TENM3: variants seen among roughly 807,000 people sequenced by gnomAD.
TENM3 encodes teneurin-3.
Under a neutral mutation model 255.1 loss-of-function variants are expected in TENM3, and 63 were observed. That is an observed-to-expected ratio of 0.25 (90% confidence interval 0.20 to 0.30). The LOEUF (loss-of-function observed/expected upper bound fraction) is 0.30. TENM3 is among the 10% of genes least tolerant of loss of function. The pLI, the probability that TENM3 is intolerant of heterozygous loss-of-function variation, is 1.00. For missense variants in TENM3, 2,929 were observed against 3,461.1 expected, an observed-to-expected ratio of 0.85 and a Z score of 3.86; for synonymous variants, 1,306 against 1,322.3, an observed-to-expected ratio of 0.99 and a Z score of 0.27.
At chr4:182,469,846 G>A (rs779931932) in intron 3 of TENM3, among the ~76,000 whole-genome samples, 1 of 152,240 alleles carries the variant, frequency 6.6e-6, no homozygotes, top group East Asian at 1.9e-4. Context: ...TGGTCTGTGT[G>A]ATATCTATGT....
the TENM3 span, among the ~76,000 whole-genome samples, chr4:181,790,319 T>C: frequency 4.6e-3 from 706 of 152,290 alleles, 5 homozygotes; most frequent in African/African-American, 0.016. Flanking sequence ...GGCTCACTTT[T>C]CTCCAATCAC....
the TENM3 span, among the ~76,000 whole-genome samples, chr4:182,030,856 T>C: frequency 2.2e-4 from 33 of 152,334 alleles, no homozygotes; most frequent in African/African-American, 7.7e-4. Context: ...TATGTGTTCT[T>C]TTGATAATTG....
intron 3 of TENM3, among the ~76,000 whole-genome samples, chr4:182,392,562 C>G (rs1199052401): frequency 6.6e-6 from 1 of 152,114 alleles, no homozygotes; most frequent in Non-Finnish European, 1.5e-5. Context: ...GAAATGCAGA[C>G]TGGGGAGGAG....
At chr4:181,748,794 T>G in the TENM3 span, among the ~76,000 whole-genome samples, 1 of 152,046 alleles carries the variant, frequency 6.6e-6, no homozygotes, top group Non-Finnish European at 1.5e-5. Flanking sequence ...AATTATGGAG[T>G]AATAATTCTT....
intron 3 of TENM3, among the ~76,000 whole-genome samples, chr4:182,593,254 A>C (rs747363237): frequency 2.6e-5 from 4 of 152,192 alleles, no homozygotes. Context: ...AGGAAGCCAC[A>C]TGCTGATGAA....
chr4:182,641,518 AGT>A (rs1752309499), intron 5 of TENM3, among the ~76,000 whole-genome samples: 1 of 150,692 alleles, frequency 6.6e-6, no homozygotes, highest in Admixed American at 6.6e-5. Flanking sequence ...AGTAGTATGC[AGT>A]TTTTTTTTGT....
chr4:181,680,810 A>G, the TENM3 span, among the ~76,000 whole-genome samples: 1 of 152,108 alleles, frequency 6.6e-6, no homozygotes, highest in Non-Finnish European at 1.5e-5. Flanking sequence ...GTTAATCTCA[A>G]CATTCTAAAT....
intron 3 of TENM3, among the ~76,000 whole-genome samples, chr4:182,546,864 G>A (rs1262006787): frequency 6.6e-6 from 1 of 152,112 alleles, no homozygotes; most frequent in Non-Finnish European, 1.5e-5. Context: ...AGCAGAGGTC[G>A]CTTCAAAAGC....
chr4:181,486,819 C>T, the TENM3 span, among the ~76,000 whole-genome samples: 12 of 152,196 alleles, frequency 7.9e-5, no homozygotes, highest in South Asian at 2.1e-4. Context: ...ACACAATTTT[C>T]GAAGTATTAG....
intron 3 of TENM3, among the ~76,000 whole-genome samples, chr4:182,596,056 A>G (rs550152582): frequency 6.6e-6 from 1 of 152,278 alleles, no homozygotes; most frequent in East Asian, 1.9e-4. Flanking sequence ...AGGTGCTATT[A>G]TATAAATGTC....
chr4:181,992,214 G>T, the TENM3 span, among the ~76,000 whole-genome samples: 7 of 152,116 alleles, frequency 4.6e-5, no homozygotes, highest in African/African-American at 1.7e-4. Flanking sequence ...TGAGAGCAAA[G>T]ATTTCTCTTG....
intron 1 of TENM3, among the ~76,000 whole-genome samples, chr4:182,177,059 A>G (rs769159212): frequency 1.2e-4 from 18 of 151,932 alleles, no homozygotes; most frequent in Non-Finnish European, 2.2e-4. Context: ...TACTTTGAGG[A>G]AAAGGTGACC....
the TENM3 span, among the ~76,000 whole-genome samples, chr4:181,906,915 G>A: frequency 6.6e-6 from 1 of 152,116 alleles, no homozygotes; most frequent in African/African-American, 2.4e-5. Context: ...GTCTCACTAT[G>A]TCGCCCAGGC....
At chr4:182,758,489 T>G (rs1019357909) in intron 22 of TENM3, among the ~76,000 whole-genome samples, 3 of 152,116 alleles carry the variant, frequency 2.0e-5, no homozygotes, top group African/African-American at 7.2e-5. Flanking sequence ...ACAACAGAGT[T>G]TCTGCTGCTT....
At chr4:181,884,817 T>A in the TENM3 span, among the ~76,000 whole-genome samples, 1 of 152,192 alleles carries the variant, frequency 6.6e-6, no homozygotes, top group Non-Finnish European at 1.5e-5. Flanking sequence ...TTGTCTCAGT[T>A]ACTTTGCTGA....
intron 3 of TENM3, among the ~76,000 whole-genome samples, chr4:182,351,839 G>A (rs72699917): frequency 0.23 from 34,211 of 151,960 alleles, 4,371 homozygotes; most frequent in South Asian, 0.36. Flanking sequence ...AACAGGGACA[G>A]CAGTAAACAG....
At chr4:182,336,089 T>G (rs1438300696) in intron 2 of TENM3, among the ~76,000 whole-genome samples, 3 of 152,170 alleles carry the variant, frequency 2.0e-5, no homozygotes, top group Non-Finnish European at 4.4e-5. Flanking sequence ...TGGAAGCGGC[T>G]ACTGTAGGCG....
chr4:181,725,270 G>A, the TENM3 span, among the ~76,000 whole-genome samples: 1 of 152,070 alleles, frequency 6.6e-6, no homozygotes, highest in South Asian at 2.1e-4. Context: ...GATGTTTACT[G>A]GACATCAGGA....
the TENM3 span, among the ~76,000 whole-genome samples, chr4:181,856,466 C>A: frequency 1.3e-5 from 2 of 152,232 alleles, no homozygotes; most frequent in Non-Finnish European, 1.5e-5. Context: ...TGCACCTACT[C>A]TCTCCAATAT....
Sources: allele counts gnomAD v4.1 joint callset (sites outside exome capture counted in the v4.1 genomes callset), GRCh38; gene constraint gnomAD v4.1.1; transcripts MANE v1.5; gene names NCBI Gene and HGNC (gene_info 2026-07-23, HGNC 2026-07-21).